Variants in DNAAF9 observed in about 807,000 individuals in gnomAD.
The protein encoded by DNAAF9 is shulin.
DNAAF9 carries 90 observed loss-of-function variants against 167.0 expected under a neutral mutation model. That is an observed-to-expected ratio of 0.54 (90% CI 0.45 to 0.64). The LOEUF (loss-of-function observed/expected upper bound fraction) is 0.64, where lower values mean the gene tolerates loss of function less well. Among genes scored for constraint, DNAAF9 ranks in the 30% least tolerant of loss-of-function variants. DNAAF9 has a pLI of 0.00. For synonymous variants in DNAAF9, 491 were observed against 508.8 expected (o/e 0.96, Z 0.47); for missense variants, 1,315 against 1,442.2 (o/e 0.91, Z 1.43).
In DNAAF9 at chr20:3,281,651, T is replaced by C; in HGVS notation, c.2602A>G (p.Met868Val). ...TACVEPMSCY[M>V]EHRFLFPKCL... is the part of the protein sequence containing the mutation. ...ATATCCTGTATCTACCTGTGCTCCA[T>C]GTAGCAGCTCATGGGCTCCACACAT... The change falls in exon 28 of 37, where the codon ATG becomes GTG. Residue 868 changes from methionine to valine, a missense_variant. By Grantham distance (21) the Met-to-Val change is conservative. Transcript: ENST00000252032. 1.2e-6 allele frequency: 2 copies of C among 1,610,828 alleles called. No homozygotes were observed. Among genetic ancestry groups the C allele is most frequent in the South Asian group, 1.1e-5 (1 of 90,222 alleles).
intron 16 of DNAAF9, among the ~76,000 whole-genome samples, chr20:3,319,262 C>CAAAAAAAAAAAAAAAAA (rs57727958): frequency 2.4e-5 from 1 of 41,560 alleles, no homozygotes; most frequent in Non-Finnish European, 5.2e-5. Context: ...GACCCCGTCT[C>CAAAAAAAAAAAAAAAAA]AAAAAAAAAA....
At chr20:3,290,456 T>TA (rs1330397847) in intron 25 of DNAAF9, among the ~76,000 whole-genome samples, 1 of 152,206 alleles carries the variant, frequency 6.6e-6, no homozygotes, top group Non-Finnish European at 1.5e-5. Flanking sequence ...AAATACCATA[T>TA]AAAATGTAGT....
intron 1 of DNAAF9, among the ~76,000 whole-genome samples, chr20:3,389,913 G>A (rs752211328): frequency 1.1e-4 from 17 of 152,010 alleles, no homozygotes; most frequent in Admixed American, 2.6e-4. Flanking sequence ...GCGTGCGCCT[G>A]TAATCCCAGC....
chr20:3,315,991 C>T lies in DNAAF9; in HGVS notation c.1540-206G>A, dbSNP rs2422867. Reference sequence around the variant, plus strand: ...CCCAAGGCCTTGGTGGGCTCTCTCACTAGGACCTGAGGTCCAGCTAATGAG... The same window carrying T: ...CCCAAGGCCTTGGTGGGCTCTCTCATTAGGACCTGAGGTCCAGCTAATGAG... On this transcript the variant is annotated intron_variant, in intron 18 of 36. Transcript: ENST00000252032. This position sits in a 1 kb window ranked among gnomAD's most constrained non-coding sequence, Gnocchi z 4.1. The T allele has an allele frequency of 1.7e-6, 1 of 597,862 alleles. No individual in the cohort carries two copies. The highest frequency in any genetic ancestry group is 1.9e-5 in the African/African-American group (1 of 53,846). The allele number at this position is 597,862 out of a possible 1,614,324, so 37.0% of individuals were successfully genotyped here. A position where few individuals can be genotyped will look rare whatever the true frequency, so the allele number is the denominator to read the frequency against.
At chr20:3,316,887 GTTC>G (rs2069510891) in intron 17 of DNAAF9, 94 bp from the exon 18 acceptor site, 46 of 456,378 alleles carry the variant, frequency 1.0e-4, no homozygotes, top group South Asian at 2.5e-4. Context: ...AGGAGCTAGG[GTTC>G]TTTTTTTTTT....
At chr20:3,278,997 T>C (rs370026683) in intron 28 of DNAAF9, 48 bp from the exon 29 acceptor site, 5 of 1,318,234 alleles carry the variant, frequency 3.8e-6, no homozygotes, top group African/African-American at 2.9e-5. Context: ...CACCTCAGAG[T>C]TGTCACTGAT....
At chr20:3,394,949 CTTTTTTTT>C (rs10522445) in intron 1 of DNAAF9, among the ~76,000 whole-genome samples, 1 of 102,130 alleles carries the variant, frequency 9.8e-6, no homozygotes, top group African/African-American at 4.1e-5. Flanking sequence ...TTTCTTTTTT[CTTTTTTTT>C]TTTTTTTTTT....
In DNAAF9 at chr20:3,250,144, T is replaced by G. The variant is rs1002700439; in HGVS notation, c.*2428A>C. 2.0e-5 allele frequency: 3 copies of G among 152,190 alleles called. No individual in the cohort carries two copies. The highest frequency in any genetic ancestry group is 7.2e-5 in the African/African-American group (3 of 41,436). The allele number at this position is 152,190 out of a possible 1,614,324, so 9.4% of individuals were successfully genotyped here. A position where few individuals can be genotyped will look rare whatever the true frequency, so the allele number is the denominator to read the frequency against. ...GTCCCTGGGAACCCACCCCCGCTCT[T>G]TGCTGGGTCCCTGGATCCACTTCTA... On this transcript the variant is annotated 3_prime_UTR_variant, in exon 37 of 37. Transcript: ENST00000252032.
chr20:3,363,722 TA>T (rs2083395319), intron 6 of DNAAF9, among the ~76,000 whole-genome samples: 1 of 152,062 alleles, frequency 6.6e-6, no homozygotes. Flanking sequence ...CAAAAAGACA[TA>T]AAATGTCTTT....
intron 1 of DNAAF9, among the ~76,000 whole-genome samples, chr20:3,400,618 AC>A (rs2083969965): frequency 6.6e-6 from 1 of 152,132 alleles, no homozygotes; most frequent in Admixed American, 6.5e-5. Context: ...CAAGTTGCAA[AC>A]CCTGCTTTGC....
At chr20:3,356,306 C>A (rs2083286005) in intron 7 of DNAAF9, among the ~76,000 whole-genome samples, 1 of 152,326 alleles carries the variant, frequency 6.6e-6, no homozygotes, top group African/African-American at 2.4e-5. Flanking sequence ...GCGTGAGCTG[C>A]TAATCCAGCC....
At position 3,252,432 on chromosome 20, in the gene DNAAF9, C is replaced by A; in HGVS notation, c.*140G>T. On this transcript the variant is annotated 3_prime_UTR_variant, in exon 37 of 37. Coordinates refer to ENST00000252032, the MANE Select transcript of DNAAF9 (RefSeq NM_001009984.3). ...CTATACAGGGAATAAAGACAACATGCACTCAAGCCAGCCCACACAGGCCAA... is the reference window on the plus strand; with the variant it reads ...CTATACAGGGAATAAAGACAACATGAACTCAAGCCAGCCCACACAGGCCAA... 1.6e-6 allele frequency: 1 copy of A among 628,350 alleles called. No individual in the cohort carries two copies. Among genetic ancestry groups the A allele is most frequent in the Non-Finnish European group, 2.9e-6 (1 of 346,478 alleles). The allele number at this position is 628,350 out of a possible 1,614,324, so 38.9% of individuals were successfully genotyped here.
chr20:3,355,308 C>A (rs2083269029), intron 7 of DNAAF9, among the ~76,000 whole-genome samples: 1 of 152,134 alleles, frequency 6.6e-6, no homozygotes, highest in Admixed American at 6.5e-5. Context: ...GGTTTGGTGG[C>A]TAATGCCTGG....
intron 6 of DNAAF9, chr20:3,361,772 T>G (rs2123182006): frequency 2.0e-6 from 2 of 1,013,800 alleles, no homozygotes; most frequent in Middle Eastern, 3.2e-4. Flanking sequence ...TCCTTTCCAG[T>G]ACTCTGAGGT....
rs773529995 is a variant in DNAAF9 at position 3,252,642 on chromosome 20, C to T, written c.3464G>A (p.Arg1155Gln). Residue 1155 changes from arginine (R) to glutamine (Q), a missense_variant, in exon 37 of 37, where the codon CGG becomes CAG. Physicochemically the swap from Arg to Gln is conservative, Grantham distance 43. This residue lies in a region of DNAAF9 where 334 missense variants were observed against 429.7 expected (regional missense o/e 0.78). Transcript: ENST00000252032. ...CTCCTGGTTATACTTCTCAATTTCCCGGTTGGCTTCTTCCACGTAGTCATT... is the reference window on the plus strand; with the variant it reads ...CTCCTGGTTATACTTCTCAATTTCCTGGTTGGCTTCTTCCACGTAGTCATT... ...FMNDYVEEAN[R>Q]EIEKYNQELE... The T allele has an allele frequency of 3.7e-6, 6 of 1,612,674 alleles. No homozygotes were observed. The highest frequency in any genetic ancestry group is 2.2e-5 in the South Asian group (2 of 91,056).
chr20:3,263,035 C>T (rs920869197), intron 31 of DNAAF9, among the ~76,000 whole-genome samples: 10 of 125,066 alleles, frequency 8.0e-5, no homozygotes, highest in South Asian at 2.6e-4. Context: ...AGTGCAGTGG[C>T]GTGATCTCAG....
intron 3 of DNAAF9, among the ~76,000 whole-genome samples, chr20:3,377,348 T>C (rs1301347802): frequency 6.6e-6 from 1 of 152,212 alleles, no homozygotes; most frequent in Non-Finnish European, 1.5e-5. Context: ...TAAAAATATG[T>C]CAAAGGAGTA....
intron 16 of DNAAF9, among the ~76,000 whole-genome samples, chr20:3,319,234 GCC>G (rs1182848611): frequency 8.9e-5 from 12 of 135,408 alleles, no homozygotes; most frequent in African/African-American, 3.3e-4. Flanking sequence ...CTGCACTCCA[GCC>G]TGGGCAACGG....
At chr20:3,279,011 T>G in intron 28 of DNAAF9, 62 bp from the exon 29 acceptor site, 2 of 1,234,830 alleles carry the variant, frequency 1.6e-6, no homozygotes, top group South Asian at 2.5e-5. Flanking sequence ...CACTGATTAT[T>G]TCCCATACAA....
Sources: allele counts gnomAD v4.1 joint callset (sites outside exome capture counted in the v4.1 genomes callset), GRCh38; gene constraint gnomAD v4.1.1; regional missense constraint gnomAD v4.1.1; non-coding constraint Gnocchi (gnomAD v3.1); transcripts MANE v1.5; gene names NCBI Gene and HGNC (gene_info 2026-07-23, HGNC 2026-07-21).